Variants in RAB20 observed in about 807,000 individuals in gnomAD.
The protein encoded by RAB20 is ras-related protein Rab-20.
In RAB20, 2 loss-of-function variants were observed where a neutral mutation model predicts 3.7. The observed-to-expected ratio is 0.54, with a 90% confidence interval of 0.22 to 1.69. The LOEUF is 1.69. RAB20 is among the 40% of genes most tolerant of loss of function. The pLI is 0.19. For missense variants in RAB20, 276 were observed against 311.9 expected, an observed-to-expected ratio of 0.88 and a Z score of 0.87; for synonymous variants, 126 against 130.8, an observed-to-expected ratio of 0.96 and a Z score of 0.25.
At chr13:110,532,051 G>A (rs1884549793) in intron 1 of RAB20, among the ~76,000 whole-genome samples, 1 of 152,158 alleles carries the variant, frequency 6.6e-6, no homozygotes, top group Admixed American at 6.5e-5. Context: ...TTAAATAAGA[G>A]TGGGTTGAGA....
chr13:110,524,204 G>T lies in RAB20; in HGVS notation c.173-7C>A. The T allele has an allele frequency of 6.4e-7, 1 of 1,573,776 alleles. No individual in the cohort carries two copies. The highest frequency in any genetic ancestry group is 1.7e-5 in the Admixed American group (1 of 57,568). On this transcript the variant is annotated splice_polypyrimidine_tract_variant and splice_region_variant and intron_variant, in intron 1 of 1. Coordinates refer to ENST00000267328, the MANE Select transcript of RAB20 (RefSeq NM_017817.3). ...CCGTGGAACTGCTCCCGCCCTGGTGGGAAGAGAGGGACAGAAAGAGTGGTT... is the reference window on the plus strand; with the variant it reads ...CCGTGGAACTGCTCCCGCCCTGGTGTGAAGAGAGGGACAGAAAGAGTGGTT...
chr13:110,557,133 G>GC (rs1885052914), intron 1 of RAB20, among the ~76,000 whole-genome samples: 1 of 152,190 alleles, frequency 6.6e-6, no homozygotes, highest in African/African-American at 2.4e-5. Flanking sequence ...GCCAATTACA[G>GC]GTGGAAGCCT....
rs576744898 is a variant in RAB20 at position 110,525,099 on chromosome 13, G to A, written c.173-902C>T. ...GGGCCAGCTGGCATGCACCCCTGCA[G>A]TGCCTGGAGTGTGGGCATCTGCTCT... On this transcript the variant is annotated intron_variant, in intron 1 of 1. Transcript: ENST00000267328. 2.0e-5 allele frequency among the ~76,000 whole-genome samples: 3 copies of A among 152,346 alleles called. No homozygotes were observed. In the South Asian group the frequency reaches 6.2e-4, roughly 32 times the overall value.
At chr13:110,533,218 A>G (rs1341221348) in intron 1 of RAB20, among the ~76,000 whole-genome samples, 1 of 152,220 alleles carries the variant, frequency 6.6e-6, no homozygotes, top group African/African-American at 2.4e-5. Flanking sequence ...TGCTTTCTCC[A>G]GTGTTTGCAG....
At chr13:110,546,347 C>A (rs1029420542) in intron 1 of RAB20, among the ~76,000 whole-genome samples, 1 of 152,162 alleles carries the variant, frequency 6.6e-6, no homozygotes, top group African/African-American at 2.4e-5. Context: ...TAAAAGTGTT[C>A]CAATTGATTC....
intron 1 of RAB20, among the ~76,000 whole-genome samples, chr13:110,524,700 G>C (rs540146291): frequency 6.6e-6 from 1 of 152,194 alleles, no homozygotes; most frequent in African/African-American, 2.4e-5. Context: ...GTGCTGCCCT[G>C]CCCAGGAAGT....
In RAB20 at chr13:110,540,819, T is replaced by C. The variant is rs151081496; in HGVS notation, c.173-16622A>G. Among the ~76,000 whole-genome samples, 313 of 151,962 alleles carry C rather than the reference T, an allele frequency of 2.1e-3. 1 individual carries two copies. The highest frequency in any genetic ancestry group is 7.3e-3 in the African/African-American group (302 of 41,458). On this transcript the variant is annotated intron_variant, in intron 1 of 1. Coordinates refer to ENST00000267328, the MANE Select transcript of RAB20 (RefSeq NM_017817.3). ...CAATAAAAAACCTCCACATTATATA[T>C]GGAATATATACGTATCTCTCTCACG...
chr13:110,525,992 A>G (rs1214591141), intron 1 of RAB20, among the ~76,000 whole-genome samples: 1 of 152,220 alleles, frequency 6.6e-6, no homozygotes, highest in Non-Finnish European at 1.5e-5. Flanking sequence ...ACCTGCTCCC[A>G]ACCACACCTG....
chr13:110,545,005 T>C (rs1884828614), intron 1 of RAB20, among the ~76,000 whole-genome samples: 1 of 152,200 alleles, frequency 6.6e-6, no homozygotes, highest in South Asian at 2.1e-4. Context: ...CTTTTGCCTC[T>C]TCCTCATTTT....
At chr13:110,558,694 G>GTTT (rs67548367) in intron 1 of RAB20, among the ~76,000 whole-genome samples, 68 of 50,908 alleles carry the variant, frequency 1.3e-3, no homozygotes, top group African/African-American at 3.5e-3. Context: ...CTTCCCATCT[G>GTTT]TTTTTTTTTT....
Position 110,523,511 on chromosome 13 carries a change from T to G in RAB20, c.*154A>C. 5.8e-6 allele frequency: 8 copies of G among 1,387,118 alleles called. No homozygotes were observed. The highest frequency in any genetic ancestry group is 7.6e-6 in the Non-Finnish European group (8 of 1,048,358). The allele number at this position is 1,387,118 out of a possible 1,614,324, so 85.9% of individuals were successfully genotyped here. On this transcript the variant is annotated 3_prime_UTR_variant, in exon 2 of 2. Coordinates refer to ENST00000267328, the MANE Select transcript of RAB20 (RefSeq NM_017817.3). Reference sequence around the variant, plus strand: ...GGAGACCACACACGTTGACCTCCTCTTCATAGCCAGCCATCATTTCCACTC... The same window carrying G: ...GGAGACCACACACGTTGACCTCCTCGTCATAGCCAGCCATCATTTCCACTC...
intron 1 of RAB20, among the ~76,000 whole-genome samples, chr13:110,540,074 A>G (rs377380): frequency 0.35 from 52,615 of 152,184 alleles, 10,369 homozygotes; most frequent in African/African-American, 0.54. Context: ...CTCAAGTCAC[A>G]TCACTCTTCA....
At chr13:110,552,735 A>C (rs1354249053) in intron 1 of RAB20, among the ~76,000 whole-genome samples, 2 of 151,620 alleles carry the variant, frequency 1.3e-5, no homozygotes, top group Non-Finnish European at 2.9e-5. Context: ...AAATAAATAA[A>C]AATTTCTATT....
rs757905549 is a variant in RAB20 at position 110,523,937 on chromosome 13, C to A, written c.433G>T (p.Ala145Ser). 9.3e-6 allele frequency: 15 copies of A among 1,614,040 alleles called. 1 individual carries two copies. The highest frequency in any genetic ancestry group is 1.2e-5 in the Non-Finnish European group (14 of 1,180,032). Residue 145 changes from alanine to serine, a missense_variant, in exon 2 of 2, where the codon GCA becomes TCA. Coordinates refer to ENST00000267328, the MANE Select transcript of RAB20 (RefSeq NM_017817.3). ...MDAGDRVSPR[A>S]PKQVQLEDAV... The stretch of plus-strand genomic sequence containing the variant: ...TCCTCCAGCTGCACCTGCTTAGGTG[C>A]CCTTGGGGAGACACGGTCCCCAGCG...
chr13:110,526,569 C>CA (rs1167746557), intron 1 of RAB20, among the ~76,000 whole-genome samples: 6 of 152,188 alleles, frequency 3.9e-5, no homozygotes, highest in Admixed American at 3.9e-4. Context: ...GGCTCTTAAC[C>CA]ACTGGGGTCA....
chr13:110,542,493 C>A (rs1360649028), intron 1 of RAB20, among the ~76,000 whole-genome samples: 1 of 152,178 alleles, frequency 6.6e-6, no homozygotes, highest in Non-Finnish European at 1.5e-5. Context: ...CTCTCCCCAC[C>A]CACCTGCCAG....
rs1424734428 is a variant in RAB20, at chr13:110,561,503, C to T, written c.17G>A (p.Ser6Asn). The T allele has an allele frequency of 6.3e-7, 1 of 1,583,178 alleles. No individual in the cohort carries two copies. The highest frequency in any genetic ancestry group is 8.6e-7 in the Non-Finnish European group (1 of 1,165,130). Residue 6 changes from serine (S) to asparagine (N), a missense_variant, in exon 1 of 2, where the codon AGC becomes AAC. By Grantham distance (46) the Ser-to-Asn change is conservative. Coordinates refer to ENST00000267328, the MANE Select transcript of RAB20 (RefSeq NM_017817.3). MRKPD[S>N]KIVLLGDMNV... ...CATGTCCCCCAGGAGCACGATCTTG[C>T]TGTCGGGCTTCCTCATCTTCCCGTA...
intron 1 of RAB20, among the ~76,000 whole-genome samples, chr13:110,530,496 A>G (rs1463125635): frequency 4.1e-5 from 2 of 48,754 alleles, no homozygotes; most frequent in Non-Finnish European, 7.2e-5. Flanking sequence ...CTGGGGAAGT[A>G]GGTCCCACCC....
chr13:110,549,536 GTCC>G (rs1246497220), intron 1 of RAB20, among the ~76,000 whole-genome samples: 2 of 152,138 alleles, frequency 1.3e-5, no homozygotes, highest in Non-Finnish European at 2.9e-5. Flanking sequence ...ACCTTCTCCT[GTCC>G]TCCTTTCACC....
Sources: allele counts gnomAD v4.1 joint callset (sites outside exome capture counted in the v4.1 genomes callset), GRCh38; gene constraint gnomAD v4.1.1; transcripts MANE v1.5; gene names NCBI Gene and HGNC (gene_info 2026-07-23, HGNC 2026-07-21).